Variants in CFAP299 observed in about 807,000 individuals in gnomAD.
CFAP299 encodes the protein cilia- and flagella-associated protein 299.
Under a neutral mutation model 27.0 loss-of-function variants are expected in CFAP299, and 21 were observed. The ratio of observed to expected loss-of-function variants is 0.78; its 90% CI spans 0.55 to 1.12. CFAP299 has a LOEUF of 1.12. Ranked by LOEUF, CFAP299 falls within the 50% of genes most tolerant of loss-of-function variation. CFAP299 has a pLI of 0.00. For missense variants in CFAP299, 310 were observed against 276.6 expected (o/e 1.12, Z -0.86); for synonymous variants, 104 against 98.1 (o/e 1.06, Z -0.36).
intron 3 of CFAP299, among the ~76,000 whole-genome samples, chr4:80,866,195 A>G (rs1014825649): frequency 4.0e-5 from 6 of 150,242 alleles, no homozygotes; most frequent in Non-Finnish European, 5.9e-5. Flanking sequence ...GTGTGAGAAC[A>G]GCCACAGGTG....
chr4:80,431,527 C>T (rs932347746), intron 2 of CFAP299, among the ~76,000 whole-genome samples: 11 of 151,746 alleles, frequency 7.2e-5, no homozygotes, highest in African/African-American at 2.2e-4. Context: ...TCTTCTCCCT[C>T]GTCCTTCTCT....
intron 3 of CFAP299, among the ~76,000 whole-genome samples, chr4:80,719,440 A>G (rs1375667766): frequency 3.9e-5 from 6 of 152,168 alleles, no homozygotes; most frequent in Non-Finnish European, 7.4e-5. Flanking sequence ...AAAACTACCA[A>G]ACTGTTTCCC....
intron 3 of CFAP299, among the ~76,000 whole-genome samples, chr4:80,793,117 G>A (rs1349379869): frequency 1.3e-5 from 2 of 151,778 alleles, no homozygotes; most frequent in African/African-American, 4.8e-5. Context: ...GTGTGTGTGT[G>A]TGTGTGTGTG....
chr4:80,723,176 G>A (rs1306911279), intron 3 of CFAP299, among the ~76,000 whole-genome samples: 1 of 151,406 alleles, frequency 6.6e-6, no homozygotes, highest in Non-Finnish European at 1.5e-5. Flanking sequence ...CATCGCTTAG[G>A]TGAACTTTTT....
chr4:80,414,637 A>G (rs565958908), intron 2 of CFAP299, among the ~76,000 whole-genome samples: 1 of 152,332 alleles, frequency 6.6e-6, no homozygotes, highest in Non-Finnish European at 1.5e-5. Context: ...TCCTCAAGAT[A>G]AAAGAGATTC....
intron 2 of CFAP299, among the ~76,000 whole-genome samples, chr4:80,450,320 G>A (rs888950867): frequency 2.0e-5 from 3 of 152,004 alleles, no homozygotes; most frequent in African/African-American, 7.2e-5. Flanking sequence ...AAATATAATC[G>A]AGGCACCATG....
chr4:80,604,315 T>A (rs1237663709), intron 3 of CFAP299, among the ~76,000 whole-genome samples: 3 of 149,400 alleles, frequency 2.0e-5, no homozygotes, highest in Non-Finnish European at 4.5e-5. Context: ...GCTGATGCAC[T>A]TTTTTTTCTG....
chr4:80,880,756 AT>A (rs1377984208), intron 4 of CFAP299, among the ~76,000 whole-genome samples: 191 of 149,740 alleles, frequency 1.3e-3, no homozygotes, highest in African/African-American at 4.4e-3. Context: ...ATAAAATAAA[AT>A]TAAATTAAAT....
chr4:80,868,027 C>T (rs2110165805), intron 3 of CFAP299, among the ~76,000 whole-genome samples: 1 of 152,216 alleles, frequency 6.6e-6, no homozygotes, highest in Non-Finnish European at 1.5e-5. Context: ...TTTATACACA[C>T]ATATGTATCA....
rs192877116 is a variant in CFAP299, at chr4:80,614,180, C to T, written c.333+30997C>T. 2.6e-5 allele frequency among the ~76,000 whole-genome samples: 4 copies of T among 152,260 alleles called. No homozygotes were observed. In the South Asian group the frequency reaches 8.3e-4, roughly 32 times the overall value. On this transcript the variant is annotated intron_variant, in intron 3 of 5. Coordinates refer to ENST00000358105, the MANE Select transcript of CFAP299 (RefSeq NM_152770.3). ...ACTCCAACAGAATGTTGTCAGTTTG[C>T]ACTGAAATAATGCTATTTTTTTCTA...
At chr4:80,799,781 AT>A (rs377629688) in intron 3 of CFAP299, among the ~76,000 whole-genome samples, 2 of 40,424 alleles carry the variant, frequency 4.9e-5, no homozygotes, top group Admixed American at 4.8e-4. Context: ...TATGATATAT[AT>A]ATTATATATT....
intron 3 of CFAP299, among the ~76,000 whole-genome samples, chr4:80,648,646 CAAAG>C (rs979507098): frequency 5.3e-5 from 8 of 151,966 alleles, no homozygotes; most frequent in South Asian, 2.1e-4. Flanking sequence ...TTGTACTACT[CAAAG>C]AAAATTGAGA....
At chr4:80,561,299 C>T (rs1735025388) in intron 2 of CFAP299, among the ~76,000 whole-genome samples, 4 of 152,182 alleles carry the variant, frequency 2.6e-5, no homozygotes, top group Admixed American at 2.0e-4. Context: ...TAGATCACAA[C>T]ACTCAAGTCC....
chr4:80,672,995 G>A (rs1428783797), intron 3 of CFAP299, among the ~76,000 whole-genome samples: 1 of 146,606 alleles, frequency 6.8e-6, no homozygotes, highest in African/African-American at 2.5e-5. Flanking sequence ...GGGTTTTTTT[G>A]TGTCTCTATC....
At chr4:80,649,802 A>C (rs932302027) in intron 3 of CFAP299, among the ~76,000 whole-genome samples, 1 of 152,112 alleles carries the variant, frequency 6.6e-6, no homozygotes, top group African/African-American at 2.4e-5. Flanking sequence ...CTAAAATTGG[A>C]CTTTAAATAT....
chr4:80,870,009 G>C lies in CFAP299; in HGVS notation c.350G>C (p.Arg117Pro). The C allele has an allele frequency of 5.0e-6, 8 of 1,608,912 alleles. No homozygotes were observed. The highest frequency in any genetic ancestry group is 1.3e-5 in the African/African-American group (1 of 74,676). ...TGCTACCAGTCCGTGATCTTTATTC[G>C]TGACAGAAATTCTCATGGGCAAGAG... ...SGKLSSVIFI[R>P]DRNSHGQEIS... Residue 117 changes from arginine to proline, a missense_variant, in exon 4 of 6, where the codon CGT (arginine) becomes CCT (proline). Physicochemically the swap from Arg to Pro is moderately radical, Grantham distance 103. Transcript: ENST00000358105.
rs1736023303 is a variant in CFAP299 at position 80,921,152 on chromosome 4, TA to T, written c.477-23657del. 4.6e-5 allele frequency among the ~76,000 whole-genome samples: 7 copies of T among 152,212 alleles called. No homozygotes were observed. The South Asian group carries it at 1.5e-3, about 32-fold the overall frequency. ...GGTATACTCTCGACACATCATTTATTACTTTATTTTCAAAATTGATATCATG... is the reference window on the plus strand; with the variant it reads ...GGTATACTCTCGACACATCATTTATTCTTTATTTTCAAAATTGATATCATG... On this transcript the variant is annotated intron_variant, in intron 4 of 5. Coordinates refer to ENST00000358105, the MANE Select transcript of CFAP299 (RefSeq NM_152770.3).
At chr4:80,860,818 ACTGG>A (rs1732288563) in intron 3 of CFAP299, among the ~76,000 whole-genome samples, 1 of 152,064 alleles carries the variant, frequency 6.6e-6, no homozygotes, top group Admixed American at 6.6e-5. Context: ...GTCTGCCCCT[ACTGG>A]GGGGTGCCTC....
At chr4:80,334,333 C>G (rs897329589), upstream of CFAP299, among the ~76,000 whole-genome samples, 1 of 152,130 alleles carries the variant, frequency 6.6e-6, no homozygotes, top group Non-Finnish European at 1.5e-5. Flanking sequence ...CAAACATTCT[C>G]TAGATGCTTT....
Sources: gnomAD v4.1 joint callset for allele counts (sites outside exome capture counted in the v4.1 genomes callset) on GRCh38, gnomAD v4.1.1 for gene constraint, MANE v1.5 for transcripts, NCBI Gene and HGNC (gene_info 2026-07-23, HGNC 2026-07-21) for gene names.